ASIC2: variants seen among roughly 807,000 people sequenced by gnomAD.
ASIC2 encodes the protein acid sensing ion channel subunit 2.
ASIC2 carries 25 observed loss-of-function variants against 57.3 expected under a neutral mutation model. The observed-to-expected ratio is 0.44, with a 90% confidence interval of 0.32 to 0.61. ASIC2 has a LOEUF of 0.61. Ranked by LOEUF, ASIC2 falls within the 20% of genes least tolerant of loss-of-function variation. The probability of loss-of-function intolerance (pLI) is 0.06; values close to 1 mark genes in which losing one functional copy is unlikely to be tolerated. For synonymous variants in ASIC2, 319 were observed against 307.5 expected (o/e 1.04, Z -0.39); for missense variants, 641 against 738.1 (o/e 0.87, Z 1.52).
At chr17:33,073,258 T>C (rs930318750) in intron 3 of ASIC2, among the ~76,000 whole-genome samples, 1 of 152,240 alleles carries the variant, frequency 6.6e-6, no homozygotes, top group African/African-American at 2.4e-5. Context: ...AAGTTAGCAT[T>C]AGAAAACGAT....
intron 1 of ASIC2, among the ~76,000 whole-genome samples, chr17:33,848,730 C>T (rs1445850110): frequency 1.3e-5 from 2 of 151,450 alleles, no homozygotes; most frequent in Non-Finnish European, 2.9e-5. Flanking sequence ...GGAGAGGTAC[C>T]TGGAAGGCAG....
At chr17:33,651,277 G>C (rs1906911213) in intron 1 of ASIC2, among the ~76,000 whole-genome samples, 1 of 152,182 alleles carries the variant, frequency 6.6e-6, no homozygotes, top group Non-Finnish European at 1.5e-5. Flanking sequence ...GAAAAGTGTT[G>C]AGAGAAGCTG....
In ASIC2 at chr17:33,291,582, G is replaced by C. The variant is rs748573691; in HGVS notation, c.534C>G (p.Asp178Glu). ...RPLVSELLRGDEPRRQWFRKL... is the reference protein window; with the variant it reads ...RPLVSELLRGEEPRRQWFRKL... ...TGCGGAACCACTGGCGGCGCGGCTC[G>C]TCGCCCCGCAGCAGCTCGCTGACAA... The change falls in exon 1 of 10, where the codon GAC becomes GAG. Residue 178 changes from aspartate (D) to glutamate (E), a missense_variant. Asp to Glu is a conservative substitution (Grantham distance 45). Transcript: ENST00000225823. The C allele has an allele frequency of 2.5e-6, 4 of 1,608,332 alleles. No individual in the cohort carries two copies. The highest frequency in any genetic ancestry group is 3.4e-6 in the Non-Finnish European group (4 of 1,178,726).
chr17:33,902,667 A>G (rs1655981457), intron 1 of ASIC2, among the ~76,000 whole-genome samples: 1 of 152,158 alleles, frequency 6.6e-6, no homozygotes, highest in Non-Finnish European at 1.5e-5. Context: ...TCCAACAGTC[A>G]ATGCAAGACA....
At chr17:34,149,751 G>A (rs117832667) in intron 1 of ASIC2, among the ~76,000 whole-genome samples, 2,335 of 152,352 alleles carry the variant, frequency 0.015, 23 homozygotes, top group Middle Eastern at 0.051. Flanking sequence ...GCATTGGAAA[G>A]GATGTGGAGA....
intron 1 of ASIC2, among the ~76,000 whole-genome samples, chr17:33,191,713 G>A (rs1166211943): frequency 3.3e-5 from 5 of 152,048 alleles, no homozygotes; most frequent in African/African-American, 9.7e-5. Context: ...TTCTCCTAAT[G>A]CCCCATGTGA....
intron 1 of ASIC2, among the ~76,000 whole-genome samples, chr17:33,382,025 C>G (rs1909506708): frequency 1.3e-5 from 2 of 152,104 alleles, no homozygotes; most frequent in Admixed American, 1.3e-4. Context: ...TGTTGTAGGA[C>G]CCCATGTTAG....
At chr17:33,940,947 A>G (rs866209991) in intron 1 of ASIC2, among the ~76,000 whole-genome samples, 1 of 152,362 alleles carries the variant, frequency 6.6e-6, no homozygotes, top group Middle Eastern at 3.4e-3. Context: ...GAGGCCAAGC[A>G]CAGCCTCCAG....
At chr17:33,204,950 G>C (rs915332237) in intron 1 of ASIC2, among the ~76,000 whole-genome samples, 3 of 152,190 alleles carry the variant, frequency 2.0e-5, no homozygotes, top group Non-Finnish European at 4.4e-5. Flanking sequence ...CATGCCTGAA[G>C]TCAGAAGAGT....
At chr17:33,490,042 T>A (rs1184665011) in intron 1 of ASIC2, among the ~76,000 whole-genome samples, 1 of 152,270 alleles carries the variant, frequency 6.6e-6, no homozygotes, top group Non-Finnish European at 1.5e-5. Flanking sequence ...TAGACAATTT[T>A]GTGTTTTGCT....
intron 1 of ASIC2, among the ~76,000 whole-genome samples, chr17:33,649,668 G>A (rs551049962): frequency 1.2e-4 from 19 of 152,290 alleles, no homozygotes; most frequent in African/African-American, 4.6e-4. Flanking sequence ...AGTATTGGTG[G>A]AGGAATAGAC....
intron 1 of ASIC2, among the ~76,000 whole-genome samples, chr17:33,753,386 T>A (rs1194798853): frequency 2.6e-5 from 4 of 152,198 alleles, no homozygotes; most frequent in African/African-American, 9.7e-5. Flanking sequence ...ACTGTAGTAG[T>A]GGACACACGT....
chr17:33,652,589 C>T (rs1450737452), intron 1 of ASIC2, among the ~76,000 whole-genome samples: 1 of 152,182 alleles, frequency 6.6e-6, no homozygotes. Context: ...AGCTCCAGAA[C>T]TCATGCTTTT....
At chr17:33,379,807 G>A (rs17184873) in intron 1 of ASIC2, among the ~76,000 whole-genome samples, 47,957 of 152,210 alleles carry the variant, frequency 0.32, 9,115 homozygotes, top group Non-Finnish European at 0.42. Context: ...TCAAGGTGAA[G>A]ATGGGTGTTA....
At chr17:34,013,223 A>G (rs1169956903) in intron 1 of ASIC2, among the ~76,000 whole-genome samples, 3 of 152,186 alleles carry the variant, frequency 2.0e-5, no homozygotes, top group Non-Finnish European at 2.9e-5. Flanking sequence ...CTCCATGTCA[A>G]CAGGGAGCTG....
chr17:33,264,138 G>A (rs1342112266), intron 1 of ASIC2, among the ~76,000 whole-genome samples: 1 of 152,250 alleles, frequency 6.6e-6, no homozygotes, highest in Admixed American at 6.5e-5. Context: ...GAGGCACAAG[G>A]TATATGCCAG....
chr17:33,289,152 G>A (rs1905313386), intron 1 of ASIC2, among the ~76,000 whole-genome samples: 1 of 152,206 alleles, frequency 6.6e-6, no homozygotes, highest in African/African-American at 2.4e-5. Context: ...GCCACTAGGG[G>A]TCACCTGAGT....
At chr17:33,787,764 T>A (rs1057082345) in intron 1 of ASIC2, among the ~76,000 whole-genome samples, 1 of 152,100 alleles carries the variant, frequency 6.6e-6, no homozygotes, top group African/African-American at 2.4e-5. Flanking sequence ...ATGGTTTGGG[T>A]CTGTGTGCCC....
chr17:33,827,337 C>CTTTTTTTTTTTTTTTTTTCTT (rs375695905), intron 1 of ASIC2, among the ~76,000 whole-genome samples: 1 of 76,536 alleles, frequency 1.3e-5, no homozygotes, highest in Non-Finnish European at 2.6e-5. Context: ...GCAGCTCACT[C>CTTTTTTTTTTTTTTTTTTCTT]TTTTTTTTTT....
Sources: allele counts gnomAD v4.1 joint callset (sites outside exome capture counted in the v4.1 genomes callset), GRCh38; gene constraint gnomAD v4.1.1; transcripts MANE v1.5; gene names NCBI Gene and HGNC (gene_info 2026-07-23, HGNC 2026-07-21).